The following ANTXR1 variants were observed in gnomAD, a reference collection of about 807,000 sequenced individuals.
The protein encoded by ANTXR1 is ANTXR cell adhesion molecule 1, also known as anthrax toxin receptor 1.
ANTXR1 carries 19 observed loss-of-function variants against 78.1 expected under a neutral mutation model. The ratio of observed to expected loss-of-function variants is 0.24; its 90% CI spans 0.17 to 0.36. ANTXR1 has a LOEUF of 0.36. ANTXR1 is among the 10% of genes least tolerant of loss of function. ANTXR1 has a pLI of 1.00. For missense variants in ANTXR1, 518 were observed against 718.6 expected, an observed-to-expected ratio of 0.72 and a Z score of 3.19; for synonymous variants, 273 against 260.5, an observed-to-expected ratio of 1.05 and a Z score of -0.46.
At chr2:69,177,840 G>C (rs1368074746) in intron 14 of ANTXR1, among the ~76,000 whole-genome samples, 1 of 152,176 alleles carries the variant, frequency 6.6e-6, no homozygotes, top group African/African-American at 2.4e-5. Context: ...CGGGGGGATT[G>C]GGGGTCGTAG....
At chr2:69,061,262 T>C (rs1447797163) in intron 3 of ANTXR1, among the ~76,000 whole-genome samples, 2 of 152,156 alleles carry the variant, frequency 1.3e-5, no homozygotes, top group Admixed American at 1.3e-4. Flanking sequence ...GAGAAGCATA[T>C]TTTCTGACAA....
chr2:69,228,973 C>G (rs1241572770), intron 17 of ANTXR1, among the ~76,000 whole-genome samples: 2 of 152,112 alleles, frequency 1.3e-5, no homozygotes, highest in Admixed American at 1.3e-4. Flanking sequence ...TCTGGTGAGG[C>G]CCCTCTTCCA....
At chr2:69,150,421 G>C (rs553644247) in intron 12 of ANTXR1, among the ~76,000 whole-genome samples, 2 of 152,270 alleles carry the variant, frequency 1.3e-5, no homozygotes, top group Admixed American at 6.5e-5. Flanking sequence ...CCTGCCCCTG[G>C]ATAAGAATCC....
intron 17 of ANTXR1, among the ~76,000 whole-genome samples, chr2:69,225,014 G>C (rs1477282023): frequency 6.6e-6 from 1 of 151,904 alleles, no homozygotes; most frequent in African/African-American, 2.4e-5. Flanking sequence ...ATGTGAATGA[G>C]CTCATGTGCT....
intron 3 of ANTXR1, among the ~76,000 whole-genome samples, chr2:69,061,517 A>C (rs1221562922): frequency 6.6e-6 from 1 of 152,144 alleles, no homozygotes; most frequent in Non-Finnish European, 1.5e-5. Context: ...AAAAAAAAAA[A>C]AAAGCTGGTC....
chr2:69,245,428 T>C lies in ANTXR1; in HGVS notation c.1638T>C (p.Ala546=). The C allele has an allele frequency of 6.6e-7, 1 of 1,508,216 alleles. No individual in the cohort carries two copies. The highest frequency in any genetic ancestry group is 9.0e-7 in the Non-Finnish European group (1 of 1,117,060). The allele number at this position is 1,508,216 out of a possible 1,614,324, so 93.4% of individuals were successfully genotyped here. ...PPSTLPPPPQ[A]PPPNRAPPPS... The stretch of plus-strand genomic sequence containing the variant: ...CCACCCTTCCCCCTCCTCCCCAGGC[T>C]CCACCTCCCAACAGGGCACCTCCTC... Residue 546 remains alanine (A), a synonymous_variant, in exon 18 of 18, where the codon GCT becomes GCC. Coordinates refer to ENST00000303714, the MANE Select transcript of ANTXR1 (RefSeq NM_032208.3).
At position 69,247,496 on chromosome 2, in the gene ANTXR1, C is replaced by T. The variant is rs1419955024; in HGVS notation, c.*2011C>T. ...AGCTAAAACCAGAAATTTCCAGACT[C>T]ATGAAAGCAACCCCCCAGCCTCTCC... On this transcript the variant is annotated 3_prime_UTR_variant, in exon 18 of 18. Coordinates refer to ENST00000303714, the MANE Select transcript of ANTXR1 (RefSeq NM_032208.3). The T allele has an allele frequency of 6.5e-6, 1 of 152,980 alleles. No individual in the cohort carries two copies. The highest frequency in any genetic ancestry group is 1.5e-5 in the Non-Finnish European group (1 of 68,368). 9.5% of individuals were successfully genotyped at this position (152,980 alleles called of 1,614,324 possible).
At chr2:69,052,522 C>T (rs758386139) in intron 3 of ANTXR1, among the ~76,000 whole-genome samples, 1 of 152,004 alleles carries the variant, frequency 6.6e-6, no homozygotes, top group Non-Finnish European at 1.5e-5. Flanking sequence ...GTTTTCTCTT[C>T]CTGGCTGCTT....
At chr2:69,096,945 C>A (rs1355694861) in intron 9 of ANTXR1, among the ~76,000 whole-genome samples, 1 of 152,216 alleles carries the variant, frequency 6.6e-6, no homozygotes, top group Admixed American at 6.5e-5. Context: ...GTCCCTGTTC[C>A]AAAACATGCA....
intron 12 of ANTXR1, among the ~76,000 whole-genome samples, chr2:69,148,131 C>T (rs896117183): frequency 3.9e-5 from 6 of 152,150 alleles, no homozygotes; most frequent in African/African-American, 1.2e-4. Flanking sequence ...ATCACGATGC[C>T]CCAGTGTCAC....
chr2:69,083,035 A>G (rs892043481), intron 8 of ANTXR1, among the ~76,000 whole-genome samples: 5 of 152,214 alleles, frequency 3.3e-5, no homozygotes, highest in African/African-American at 1.2e-4. Context: ...CATGGTATAT[A>G]TAAATTTATT....
chr2:69,084,848 C>CTTTT (rs10708894), intron 8 of ANTXR1, among the ~76,000 whole-genome samples: 20 of 94,054 alleles, frequency 2.1e-4, no homozygotes, highest in African/African-American at 5.9e-4. Context: ...GAAAAGGCAA[C>CTTTT]TTTTTTTTTT....
intron 17 of ANTXR1, among the ~76,000 whole-genome samples, chr2:69,238,174 G>A (rs374587668): frequency 1.3e-5 from 2 of 152,114 alleles, no homozygotes; most frequent in African/African-American, 4.8e-5. Flanking sequence ...TTCCAAATTC[G>A]CAGGAGAGAG....
rs148610664 is a variant in ANTXR1, at chr2:69,140,307, T to C, written c.952-11862T>C. Among the ~76,000 whole-genome samples the C allele has an allele frequency of 1.5e-3, 228 of 152,368 alleles. 1 individual carries two copies. Among genetic ancestry groups the C allele is most frequent in the African/African-American group, 5.1e-3 (212 of 41,590 alleles). ...ATAAGGCATAAAGTAATAAGATTTA[T>C]AGCAAACTAGGATTTATACATCCAT... On this transcript the variant is annotated intron_variant, in intron 12 of 17. Coordinates refer to ENST00000303714, the MANE Select transcript of ANTXR1 (RefSeq NM_032208.3).
intron 1 of ANTXR1, among the ~76,000 whole-genome samples, chr2:69,021,191 A>G (rs1272884775): frequency 6.6e-6 from 1 of 152,214 alleles, no homozygotes; most frequent in East Asian, 1.9e-4. Flanking sequence ...AGGTCTGTAC[A>G]GTCATCATTA....
chr2:69,102,853 G>A lies in ANTXR1; in HGVS notation c.715G>A (p.Val239Ile). The A allele has an allele frequency of 6.2e-7, 1 of 1,614,150 alleles. No homozygotes were observed. Among genetic ancestry groups the A allele is most frequent in the East Asian group, 2.2e-5 (1 of 44,886 alleles). The change falls in exon 10 of 18, where the codon GTT becomes ATT. Residue 239 changes from valine to isoleucine, a missense_variant. By Grantham distance (29) the Val-to-Ile change is conservative (BLOSUM62 3). This residue lies in a region of ANTXR1 where 264 missense variants were observed against 391.8 expected (regional missense o/e 0.67). Coordinates refer to ENST00000303714, the MANE Select transcript of ANTXR1 (RefSeq NM_032208.3). ...ATTCTTTATTTCAGAGTCATTTCAA[G>A]TTGTCGTGAGAGGAAACGGCTTCCG... The part of the protein sequence containing the change: ...STICAGESFQ[V>I]VVRGNGFRHA...
chr2:69,136,765 A>T (rs1358168850), intron 12 of ANTXR1, among the ~76,000 whole-genome samples: 2 of 152,244 alleles, frequency 1.3e-5, no homozygotes, highest in Admixed American at 6.5e-5. Flanking sequence ...AGAGAAGGCC[A>T]AGACCAAGAA....
chr2:69,038,793 T>C (rs1289424323), intron 1 of ANTXR1, among the ~76,000 whole-genome samples: 5 of 152,170 alleles, frequency 3.3e-5, no homozygotes, highest in Non-Finnish European at 7.4e-5. Context: ...CCAGAGCATA[T>C]TGTACCACTT....
At chr2:69,024,763 A>G (rs1368319601) in intron 1 of ANTXR1, among the ~76,000 whole-genome samples, 2 of 152,078 alleles carry the variant, frequency 1.3e-5, no homozygotes, top group East Asian at 1.9e-4. Flanking sequence ...CTACCTTGTC[A>G]TTGTCTTAGC....
Sources: gnomAD v4.1 joint callset for allele counts (sites outside exome capture counted in the v4.1 genomes callset) on GRCh38, gnomAD v4.1.1 for gene constraint, gnomAD v4.1.1 regional missense constraint, MANE v1.5 for transcripts, NCBI Gene and HGNC (gene_info 2026-07-23, HGNC 2026-07-21) for gene names.